Variants in RARB observed in about 807,000 individuals in gnomAD.
The protein encoded by RARB is HBV-activated protein.
A neutral mutation model predicts 51.9 loss-of-function variants in RARB; 17 were observed. That is an observed-to-expected ratio of 0.33 (90% confidence interval 0.22 to 0.49). The LOEUF (loss-of-function observed/expected upper bound fraction) is 0.49, where lower values mean the gene tolerates loss of function less well. RARB is among the 20% of genes least tolerant of loss of function. The pLI is 0.99. For synonymous variants in RARB, 215 were observed against 195.4 expected, an observed-to-expected ratio of 1.10 and a Z score of -0.84; for missense variants, 369 against 550.8, an observed-to-expected ratio of 0.67 and a Z score of 3.30.
intron 3 of RARB, among the ~76,000 whole-genome samples, chr3:25,554,154 G>A (rs372961419): frequency 6.6e-6 from 1 of 150,794 alleles, no homozygotes; most frequent in African/African-American, 2.4e-5. Flanking sequence ...GAAAGTATCT[G>A]TGCGTGGAGG....
At chr3:25,070,361 T>A (rs974755578) in intron 3 of RARB, among the ~76,000 whole-genome samples, 1 of 152,024 alleles carries the variant, frequency 6.6e-6, no homozygotes, top group Non-Finnish European at 1.5e-5. Context: ...GAAGAGCGAG[T>A]GCATACTTGT....
intron 2 of RARB, among the ~76,000 whole-genome samples, chr3:24,883,707 A>C (rs1412148165): frequency 6.6e-6 from 1 of 152,122 alleles, no homozygotes; most frequent in African/African-American, 2.4e-5. Flanking sequence ...CCCTCAGAGA[A>C]AAATGATGAA....
intron 3 of RARB, among the ~76,000 whole-genome samples, chr3:25,087,077 C>G (rs559910378): frequency 3.9e-5 from 6 of 152,168 alleles, no homozygotes; most frequent in African/African-American, 1.4e-4. Context: ...TAATATAATT[C>G]GATTTTTTTC....
At chr3:25,361,707 T>C (rs1363463994) in intron 5 of RARB, among the ~76,000 whole-genome samples, 1 of 152,208 alleles carries the variant, frequency 6.6e-6, no homozygotes, top group East Asian at 1.9e-4. Flanking sequence ...TTGCTTTCTG[T>C]TTGTTAGTTT....
chr3:25,355,847 A>G (rs2125460289), intron 5 of RARB, among the ~76,000 whole-genome samples: 2 of 152,278 alleles, frequency 1.3e-5, no homozygotes, highest in Middle Eastern at 6.8e-3. Context: ...AGAACATAGA[A>G]AATAATTTTA....
At chr3:25,116,382 C>G (rs1325669484) in intron 3 of RARB, among the ~76,000 whole-genome samples, 1 of 151,822 alleles carries the variant, frequency 6.6e-6, no homozygotes. Context: ...CAAGTCATGA[C>G]CTAAGTAATC....
intron 2 of RARB, among the ~76,000 whole-genome samples, chr3:24,966,185 A>C (rs1696250527): frequency 1.3e-5 from 2 of 151,914 alleles, no homozygotes. Context: ...TTGTAGAGAC[A>C]TTCCAAAGGA....
chr3:25,162,651 A>T (rs559688920), intron 4 of RARB, among the ~76,000 whole-genome samples: 4 of 152,182 alleles, frequency 2.6e-5, no homozygotes, highest in Non-Finnish European at 5.9e-5. Context: ...TATTTTAGAC[A>T]TTTCATATAA....
Position 25,271,403 on chromosome 3 carries a change from A to G in RARB, c.178+96828A>G, listed in dbSNP as rs114680414. Among the ~76,000 whole-genome samples the G allele has an allele frequency of 3.5e-3, 529 of 152,334 alleles. 1 individual carries two copies. Among genetic ancestry groups the G allele is most frequent in the African/African-American group, 0.011 (469 of 41,588 alleles). The stretch of plus-strand genomic sequence containing the variant: ...ATCGCGTCTCAAATGCAAGGCCTAC[A>G]CAAGAGTATTTGTTTCTTGAGCTGA... On this transcript the variant is annotated intron_variant, in intron 5 of 11. Coordinates refer to the RARB transcript ENST00000383772.
intron 4 of RARB, among the ~76,000 whole-genome samples, chr3:25,141,878 T>A (rs71311525): frequency 0.12 from 18,821 of 152,190 alleles, 1,556 homozygotes; most frequent in South Asian, 0.28. Flanking sequence ...ATCAGGTCAG[T>A]AGGATACATG....
intron 5 of RARB, among the ~76,000 whole-genome samples, chr3:25,277,013 C>T (rs555424770): frequency 6.6e-6 from 1 of 152,182 alleles, no homozygotes; most frequent in African/African-American, 2.4e-5. Flanking sequence ...TGAATGAATA[C>T]TTGGATGATT....
chr3:25,463,562 C>T (rs942311321), intron 2 of RARB, among the ~76,000 whole-genome samples: 2 of 151,864 alleles, frequency 1.3e-5, no homozygotes, highest in Admixed American at 6.6e-5. Flanking sequence ...ACTTGGGAGG[C>T]TGAGGCAGGA....
chr3:25,573,333 A>G (rs962504446), intron 4 of RARB, among the ~76,000 whole-genome samples: 1 of 152,066 alleles, frequency 6.6e-6, no homozygotes, highest in Non-Finnish European at 1.5e-5. Context: ...ATCCACCCCA[A>G]TATGGGGGTG....
intron 1 of RARB, among the ~76,000 whole-genome samples, chr3:24,855,115 C>G (rs1388772499): frequency 6.6e-6 from 1 of 152,138 alleles, no homozygotes; most frequent in Non-Finnish European, 1.5e-5. Context: ...CATTAAATTT[C>G]ACATTTCAGA....
intron 1 of RARB, among the ~76,000 whole-genome samples, chr3:25,449,241 G>T (rs906893081): frequency 2.0e-5 from 3 of 152,066 alleles, no homozygotes; most frequent in African/African-American, 7.2e-5. Flanking sequence ...GGTCTTAGCT[G>T]CTGCCATTCT....
intron 5 of RARB, among the ~76,000 whole-genome samples, chr3:25,592,620 G>A (rs1169605052): frequency 6.6e-6 from 1 of 152,194 alleles, no homozygotes; most frequent in Non-Finnish European, 1.5e-5. Flanking sequence ...AGAGGCACAG[G>A]GCAGTGAGCA....
At chr3:25,086,238 C>T (rs1467604750) in intron 3 of RARB, among the ~76,000 whole-genome samples, 1 of 152,126 alleles carries the variant, frequency 6.6e-6, no homozygotes, top group Non-Finnish European at 1.5e-5. Context: ...CCAGTTCCCA[C>T]CAGAAGAACG....
chr3:25,148,465 C>T (rs936761618), intron 4 of RARB, among the ~76,000 whole-genome samples: 1 of 152,132 alleles, frequency 6.6e-6, no homozygotes, highest in African/African-American at 2.4e-5. Context: ...AGAAATATCT[C>T]TTTTAAGGGT....
At chr3:25,364,406 C>A (rs1339377803) in intron 5 of RARB, among the ~76,000 whole-genome samples, 10 of 152,210 alleles carry the variant, frequency 6.6e-5, no homozygotes, top group African/African-American at 2.4e-4. Context: ...TATGTACCTC[C>A]TTCCCAGAAT....
Sources: allele counts gnomAD v4.1 joint callset (sites outside exome capture counted in the v4.1 genomes callset), GRCh38; gene constraint gnomAD v4.1.1; transcripts MANE v1.5; gene names NCBI Gene and HGNC (gene_info 2026-07-23, HGNC 2026-07-21).